Variants in MDGA2 observed in about 807,000 individuals in gnomAD.
MDGA2 encodes the protein MAM domain-containing glycosylphosphatidylinositol anchor protein 2.
A neutral mutation model predicts 117.8 loss-of-function variants in MDGA2; 40 were observed. The ratio of observed to expected loss-of-function variants is 0.34; its 90% confidence interval spans 0.26 to 0.44. MDGA2 has a LOEUF of 0.44. Ranked by LOEUF, MDGA2 falls within the 20% of genes least tolerant of loss-of-function variation. The pLI, the probability that MDGA2 is intolerant of heterozygous loss-of-function variation, is 1.00. For synonymous variants in MDGA2, 452 were observed against 439.0 expected (o/e 1.03, Z -0.37); for missense variants, 1,123 against 1,250.6 (o/e 0.90, Z 1.54).
chr14:47,342,947 G>C (rs1890674113), intron 1 of MDGA2: 1 of 573,670 alleles, frequency 1.7e-6, no homozygotes, highest in Non-Finnish European at 3.0e-6. Flanking sequence ...CATACCTTCT[G>C]AAGTCACAGT....
At chr14:47,564,528 T>G (rs1179184835) in intron 1 of MDGA2, among the ~76,000 whole-genome samples, 2 of 152,136 alleles carry the variant, frequency 1.3e-5, no homozygotes, top group East Asian at 1.9e-4. Flanking sequence ...TTCACTACCA[T>G]GAAAGCAGTA....
chr14:47,659,632 G>T (rs955518554), intron 1 of MDGA2, among the ~76,000 whole-genome samples: 1 of 152,140 alleles, frequency 6.6e-6, no homozygotes, highest in Non-Finnish European at 1.5e-5. Context: ...AATCTTAGGT[G>T]TATAAGTGTA....
chr14:46,881,885 GT>G (rs1438218360), intron 11 of MDGA2, among the ~76,000 whole-genome samples, 158 bp downstream of exon 11: 2 of 151,828 alleles, frequency 1.3e-5, no homozygotes, highest in Admixed American at 6.6e-5. Context: ...GGTGATTAAG[GT>G]TTTTGTTTTT....
chr14:47,225,823 A>T (rs953335555), intron 2 of MDGA2, among the ~76,000 whole-genome samples: 10 of 74,454 alleles, frequency 1.3e-4, no homozygotes, highest in South Asian at 9.4e-4. Context: ...AATAATAAAT[A>T]AAAAAAAACC....
intron 2 of MDGA2, among the ~76,000 whole-genome samples, chr14:47,295,092 CATA>C (rs1169763404): frequency 6.6e-6 from 1 of 152,044 alleles, no homozygotes; most frequent in Non-Finnish European, 1.5e-5. Context: ...TTTGGATTTA[CATA>C]ATTATTTTTA....
intron 1 of MDGA2, among the ~76,000 whole-genome samples, chr14:47,357,246 G>C (rs1891015441): frequency 6.6e-6 from 1 of 152,206 alleles, no homozygotes; most frequent in African/African-American, 2.4e-5. Flanking sequence ...GACCCAAAAG[G>C]ACTATTGGAC....
intron 1 of MDGA2, among the ~76,000 whole-genome samples, chr14:47,575,243 A>G (rs576624859): frequency 6.6e-6 from 1 of 152,336 alleles, no homozygotes; most frequent in African/African-American, 2.4e-5. Context: ...AAAACAGAAA[A>G]AAATCAAATC....
chr14:47,311,517 G>A (rs1189230038), intron 1 of MDGA2, among the ~76,000 whole-genome samples: 2 of 152,050 alleles, frequency 1.3e-5, no homozygotes, highest in Non-Finnish European at 2.9e-5. Context: ...TGGATCCCAG[G>A]AGACAGAGAT....
chr14:47,313,665 G>T (rs1055882364), intron 1 of MDGA2, among the ~76,000 whole-genome samples: 8 of 152,126 alleles, frequency 5.3e-5, no homozygotes, highest in Non-Finnish European at 7.4e-5. Flanking sequence ...TATTTTAAAA[G>T]AAATTTACAT....
At chr14:47,001,234 G>A (rs117617962) in intron 8 of MDGA2, among the ~76,000 whole-genome samples, 310 of 151,886 alleles carry the variant, frequency 2.0e-3, no homozygotes, top group Non-Finnish European at 3.3e-3. Context: ...TACAAATATA[G>A]ACAAGAAATC....
chr14:47,238,225 T>G (rs1367696643), intron 2 of MDGA2, among the ~76,000 whole-genome samples: 1 of 152,234 alleles, frequency 6.6e-6, no homozygotes, highest in Admixed American at 6.5e-5. Flanking sequence ...ACTCCAATTT[T>G]CTTCAGCACA....
rs959159359 is a variant in MDGA2 at position 47,267,951 on chromosome 14, C to T, written c.420+33460G>A. ...AACATTTATTGGTAGTACTGAGCAACGTTCTTTCTGCCCTTCCCTTGAGTT... is the reference window on the plus strand; with the variant it reads ...AACATTTATTGGTAGTACTGAGCAATGTTCTTTCTGCCCTTCCCTTGAGTT... On this transcript the variant is annotated intron_variant, in intron 2 of 16. Coordinates refer to ENST00000399232, the MANE Select transcript of MDGA2 (RefSeq NM_001113498.3). 1.6e-4 allele frequency among the ~76,000 whole-genome samples: 25 copies of T among 152,094 alleles called. 1 individual carries two copies. Among genetic ancestry groups the T allele is most frequent in the African/African-American group, 6.0e-4 (25 of 41,414 alleles).
chr14:47,322,264 G>T (rs1890002409), intron 1 of MDGA2, among the ~76,000 whole-genome samples: 1 of 152,088 alleles, frequency 6.6e-6, no homozygotes, highest in African/African-American at 2.4e-5. Flanking sequence ...TTGTAAAGCA[G>T]GGAAGCTGAA....
At chr14:47,361,207 C>CTCTCTCTATA (rs61280975) in intron 1 of MDGA2, among the ~76,000 whole-genome samples, 242 of 140,540 alleles carry the variant, frequency 1.7e-3, no homozygotes, top group Non-Finnish European at 1.9e-3. Context: ...CTCTCTCTCT[C>CTCTCTCTATA]TATATATATA....
chr14:47,266,433 C>T (rs1204782870), intron 2 of MDGA2, among the ~76,000 whole-genome samples: 1 of 152,190 alleles, frequency 6.6e-6, no homozygotes, highest in African/African-American at 2.4e-5. Flanking sequence ...ACCAATGTAA[C>T]TACGAGTCTT....
chr14:47,133,649 A>G (rs996132067), intron 4 of MDGA2, among the ~76,000 whole-genome samples: 4 of 151,990 alleles, frequency 2.6e-5, no homozygotes, highest in Admixed American at 2.0e-4. Context: ...ATGTTTGTCA[A>G]TATGTCCATT....
At chr14:47,586,160 G>T (rs960023238) in intron 1 of MDGA2, among the ~76,000 whole-genome samples, 2 of 151,896 alleles carry the variant, frequency 1.3e-5, no homozygotes, top group African/African-American at 2.4e-5. Flanking sequence ...TTGTTTCAAT[G>T]ATTCATTTTA....
At chr14:47,186,970 A>G (rs1884934879) in intron 3 of MDGA2, among the ~76,000 whole-genome samples, 1 of 151,938 alleles carries the variant, frequency 6.6e-6, no homozygotes, top group Non-Finnish European at 1.5e-5. Context: ...TTCTACAATG[A>G]GCCTGGGCCA....
chr14:47,227,780 T>C (rs1240004224), intron 2 of MDGA2, among the ~76,000 whole-genome samples: 1 of 152,176 alleles, frequency 6.6e-6, no homozygotes, highest in Non-Finnish European at 1.5e-5. Context: ...TTTAGTCTAT[T>C]TTGGTGGTTT....
Sources: gnomAD v4.1 joint callset for allele counts (sites outside exome capture counted in the v4.1 genomes callset) on GRCh38, gnomAD v4.1.1 for gene constraint, MANE v1.5 for transcripts, NCBI Gene and HGNC (gene_info 2026-07-23, HGNC 2026-07-21) for gene names.